THAP4: variants seen among roughly 807,000 people sequenced by gnomAD.
THAP4 encodes THAP domain containing 4.
THAP4 carries 18 observed loss-of-function variants against 48.1 expected under a neutral mutation model. That is an observed-to-expected ratio of 0.37 (90% CI 0.26 to 0.56). The LOEUF (loss-of-function observed/expected upper bound fraction) is 0.56. THAP4 is among the 20% of genes least tolerant of loss of function. The probability of loss-of-function intolerance (pLI) is 0.78; values close to 1 mark genes in which losing one functional copy is unlikely to be tolerated. For missense variants in THAP4, 656 were observed against 774.9 expected (o/e 0.85, Z 1.82); for synonymous variants, 345 against 324.9 (o/e 1.06, Z -0.66).
intron 2 of THAP4, among the ~76,000 whole-genome samples, chr2:241,625,051 G>A (rs375680325): frequency 1.3e-5 from 2 of 152,188 alleles, no homozygotes; most frequent in Non-Finnish European, 2.9e-5. Context: ...ACCAAGCCCT[G>A]CTAGCTTCAT....
rs996199275 is a variant in THAP4 at position 241,610,190 on chromosome 2, G to A, written c.1241-3717C>T. Among the ~76,000 whole-genome samples, 25 of 152,218 alleles carry A rather than the reference G, an allele frequency of 1.6e-4. No homozygotes were observed. Among genetic ancestry groups the A allele is most frequent in the Admixed American group, 1.2e-3 (18 of 15,282 alleles). ...GGCATGGCCTTCACACTCCCCACGA[G>A]GCAGGACAGCCCCGGGCTAGGGTGA... is the stretch of plus-strand genomic sequence containing the variant. On this transcript the variant is annotated intron_variant, in intron 2 of 5. Transcript: ENST00000407315. This position sits in a 1 kb window ranked among gnomAD's most constrained non-coding sequence, Gnocchi z 4.2.
chr2:241,604,589 T>C (rs1039372190), intron 3 of THAP4, among the ~76,000 whole-genome samples: 8 of 152,112 alleles, frequency 5.3e-5, no homozygotes, highest in Non-Finnish European at 1.2e-4. Context: ...TATTTTTTTT[T>C]AGTAGAGACA....
rs1379932988 is a variant in THAP4, at chr2:241,601,660, T to G, written c.1614+236A>C. Among the ~76,000 whole-genome samples, 1 of 152,034 alleles carries G rather than the reference T, an allele frequency of 6.6e-6. No individual in the cohort carries two copies. The highest frequency in any genetic ancestry group is 1.5e-5 in the Non-Finnish European group (1 of 68,020). On this transcript the variant is annotated intron_variant, in intron 5 of 5. Transcript: ENST00000407315. The surrounding 1 kb of genome is among the most constrained non-coding windows in gnomAD (Gnocchi z 4.0). ...GACAACCCAAATGCAAAAGGATGTTTGTGACAAACAACAAACCTCAAAAAA... is the reference window on the plus strand; with the variant it reads ...GACAACCCAAATGCAAAAGGATGTTGGTGACAAACAACAAACCTCAAAAAA...
At position 241,601,913 on chromosome 2, in the gene THAP4, C is replaced by T. The variant is rs1354769481; in HGVS notation, c.1597G>A (p.Glu533Lys). 3 of 1,613,836 alleles carry T rather than the reference C, an allele frequency of 1.9e-6. No homozygotes were observed. The highest frequency in any genetic ancestry group is 1.7e-6 in the Non-Finnish European group (2 of 1,180,036). ...HSIARISFAK[E>K]PHVEQITRKF... ...GGGCTCACCTGCTCTACGTGGGGCT[C>T]CTTGGCGAAGGAGATCCTGGCGATG... is the stretch of plus-strand genomic sequence containing the variant. The change falls in exon 5 of 6, where the codon GAG (glutamate) becomes AAG (lysine). Residue 533 changes from glutamate (E) to lysine (K), a missense_variant. Physicochemically the swap from Glu to Lys is moderately conservative, Grantham distance 56 (BLOSUM62 1). Around this residue, in one of 4 missense-constraint regions of THAP4, gnomAD observed 176 missense variants for 256.7 expected, o/e 0.69. Transcript: ENST00000407315. The surrounding 1 kb of genome is among the most constrained non-coding windows in gnomAD (Gnocchi z 4.0).
rs1175852721 is a variant in THAP4 at position 241,585,912 on chromosome 2, C to CAAAAAAAAAAAAAA, written c.1615-1201_1615-1188dup. Among the ~76,000 whole-genome samples the CAAAAAAAAAAAAAA allele has an allele frequency of 3.5e-3, 99 of 28,230 alleles. 2 individuals are homozygous for CAAAAAAAAAAAAAA. Among genetic ancestry groups the CAAAAAAAAAAAAAA allele is most frequent in the South Asian group, 9.0e-3 (5 of 558 alleles). 18.5% of individuals were successfully genotyped at this position (28,230 alleles called of 152,430 possible). ...TGGGTGACAGAGCAAGACTCCTTCTCAAAAAAAAAAAAAAAAAGAAAAAAA... is the reference window on the plus strand; with the variant it reads ...TGGGTGACAGAGCAAGACTCCTTCTCAAAAAAAAAAAAAAAAAAAAAAAAAAAAAAAGAAAAAAA... On this transcript the variant is annotated intron_variant, in intron 5 of 5. Coordinates refer to ENST00000407315, the MANE Select transcript of THAP4 (RefSeq NM_015963.6).
At chr2:241,626,195 C>T (rs778951342) in intron 2 of THAP4, among the ~76,000 whole-genome samples, 1 of 152,178 alleles carries the variant, frequency 6.6e-6, no homozygotes, top group Non-Finnish European at 1.5e-5. Flanking sequence ...GTAATCCCAG[C>T]ACTTTGGGAG....
Position 241,632,891 on chromosome 2 carries a change from T to C in THAP4, c.1240+26A>G, listed in dbSNP as rs747883841. The C allele has an allele frequency of 5.2e-6, 8 of 1,530,976 alleles. No individual in the cohort carries two copies. In the Admixed American group the frequency reaches 6.2e-5, roughly 12 times the overall value. 94.8% of individuals were successfully genotyped at this position (1,530,976 alleles called of 1,614,324 possible). On this transcript the variant is annotated intron_variant, in intron 2 of 5. Coordinates refer to ENST00000407315, the MANE Select transcript of THAP4 (RefSeq NM_015963.6). ...AACCCCTCCTAACGGGAAGGGAACA[T>C]GGGTACGCGAGGCTCCGGTACTGAC...
Position 241,596,171 on chromosome 2 carries a change from C to T in THAP4, c.1614+5725G>A, listed in dbSNP as rs561727723. Reference sequence around the variant, plus strand: ...ACATCTAAAGGTGGCCTATAAGATCCAATCCAGAACCAAAACAAACAAACA... The same window carrying T: ...ACATCTAAAGGTGGCCTATAAGATCTAATCCAGAACCAAAACAAACAAACA... On this transcript the variant is annotated intron_variant, in intron 5 of 5. Transcript: ENST00000407315. 7.3e-5 allele frequency among the ~76,000 whole-genome samples: 11 copies of T among 150,840 alleles called. No individual in the cohort carries two copies. In the South Asian group the frequency reaches 1.7e-3, roughly 23 times the overall value.
In THAP4 at chr2:241,633,059, C is replaced by T; in HGVS notation, c.1098G>A (p.Val366=). Residue 366 remains valine (V), a synonymous_variant, in exon 2 of 6, where the codon GTG becomes GTA. Transcript: ENST00000407315. The surrounding 1 kb of genome is among the most constrained non-coding windows in gnomAD (Gnocchi z 7.5). ...TCTTCAGCTCGCCGTTCTTCTTCTC[C>T]ACCTGCTCCCGCAGGCAGCACACCT... The part of the protein sequence containing the change: ...KSQVCCLREQ[V]EKKNGELKSL... 6.2e-7 allele frequency: 1 copy of T among 1,614,010 alleles called. No individual in the cohort carries two copies. The highest frequency in any genetic ancestry group is 8.5e-7 in the Non-Finnish European group (1 of 1,180,024).
intron 2 of THAP4, among the ~76,000 whole-genome samples, chr2:241,629,706 C>T (rs773246175): frequency 7.3e-5 from 11 of 151,378 alleles, no homozygotes; most frequent in East Asian, 5.8e-4. Context: ...AGACGTTAAA[C>T]GGGACAAAAA....
At chr2:241,602,066 C>A in intron 4 of THAP4, 67 bp from the exon 5 acceptor site, 1 of 1,525,764 alleles carries the variant, frequency 6.6e-7, no homozygotes, top group Non-Finnish European at 8.9e-7. Context: ...CCTTGACTCT[C>A]CTTGCCTGCA....
intron 2 of THAP4, among the ~76,000 whole-genome samples, chr2:241,614,391 G>C (rs754649904): frequency 1.3e-5 from 2 of 152,182 alleles, no homozygotes; most frequent in Non-Finnish European, 2.9e-5. Flanking sequence ...AGACGTAACC[G>C]TGAGGGATAC....
chr2:241,584,572 C>T lies in THAP4; in HGVS notation c.*34G>A, dbSNP rs770576181. On this transcript the variant is annotated 3_prime_UTR_variant, in exon 6 of 6. Transcript: ENST00000407315. ...GAGCCGAACCGTTGAGGCACAGTAG[C>T]CAGGCCCTCCCGAGGGCTCCAGAAG... 1.9e-6 allele frequency: 3 copies of T among 1,613,498 alleles called. No individual in the cohort carries two copies. The South Asian group carries it at 3.3e-5, about 18-fold the overall frequency.
intron 2 of THAP4, among the ~76,000 whole-genome samples, chr2:241,611,220 G>A (rs1183758899): frequency 6.6e-6 from 1 of 152,096 alleles, no homozygotes; most frequent in East Asian, 1.9e-4. Context: ...GCCTGGGGCG[G>A]AGTGGGGAGC....
intron 2 of THAP4, among the ~76,000 whole-genome samples, chr2:241,623,929 G>T (rs977861326): frequency 6.6e-6 from 1 of 152,082 alleles, no homozygotes; most frequent in African/African-American, 2.4e-5. Context: ...ATACCATTTG[G>T]GTGTCCTGCA....
chr2:241,586,619 T>C (rs1243786770), intron 5 of THAP4, among the ~76,000 whole-genome samples: 1 of 152,170 alleles, frequency 6.6e-6, no homozygotes, highest in Admixed American at 6.5e-5. Flanking sequence ...CTGGAGTTAT[T>C]AGAAGACAAT....
intron 2 of THAP4, among the ~76,000 whole-genome samples, chr2:241,611,996 G>A (rs1303832846): frequency 6.6e-6 from 1 of 152,162 alleles, no homozygotes; most frequent in Non-Finnish European, 1.5e-5. Flanking sequence ...TAGACCACTG[G>A]GGCTCAAGTG....
chr2:241,630,801 CGA>C (rs2067547948), intron 2 of THAP4, among the ~76,000 whole-genome samples: 1 of 150,920 alleles, frequency 6.6e-6, no homozygotes, highest in Non-Finnish European at 1.5e-5. Context: ...AAAAAAATTC[CGA>C]GAGAAGGCCT....
At chr2:241,620,728 G>A (rs558566109) in intron 2 of THAP4, among the ~76,000 whole-genome samples, 1 of 152,008 alleles carries the variant, frequency 6.6e-6, no homozygotes, top group East Asian at 1.9e-4. Flanking sequence ...CACTATGGTA[G>A]ACTTTCTCAA....
Sources: allele counts gnomAD v4.1 joint callset (sites outside exome capture counted in the v4.1 genomes callset), GRCh38; gene constraint gnomAD v4.1.1; regional missense constraint gnomAD v4.1.1; non-coding constraint Gnocchi (gnomAD v3.1); transcripts MANE v1.5; gene names NCBI Gene and HGNC (gene_info 2026-07-23, HGNC 2026-07-21).